Variants in GRK3 observed in about 807,000 individuals in gnomAD.
GRK3 encodes the protein G protein-coupled receptor kinase 3, also known as adrenergic, beta, receptor kinase 2.
In GRK3, 54 loss-of-function variants were observed where a neutral mutation model predicts 95.7. That is an observed-to-expected ratio of 0.56 (90% CI 0.45 to 0.71). The LOEUF (loss-of-function observed/expected upper bound fraction) is 0.71, where lower values mean the gene tolerates loss of function less well. Ranked by LOEUF, GRK3 falls within the 30% of genes least tolerant of loss-of-function variation. The pLI is 0.00. For missense variants in GRK3, 649 were observed against 851.2 expected, an observed-to-expected ratio of 0.76 and a Z score of 2.96; for synonymous variants, 281 against 290.8, an observed-to-expected ratio of 0.97 and a Z score of 0.34.
At chr22:25,685,373 T>C in intron 10 of GRK3, 125 bp downstream of exon 10, 1 of 749,110 alleles carries the variant, frequency 1.3e-6, no homozygotes. Flanking sequence ...CCCCTGAAGT[T>C]TGAGGAAACC....
At position 25,703,640 on chromosome 22, in the gene GRK3, A is replaced by G. The variant is rs2146455138; in HGVS notation, c.1227+64A>G. On this transcript the variant is annotated intron_variant, in intron 14 of 20. Transcript: ENST00000324198. ...ATTGTCATGCTTCATTCCGTCAATA[A>G]TAAAAAAATGCTATTACATAAAATG... 5 of 1,175,312 alleles carry G rather than the reference A, an allele frequency of 4.3e-6. No individual in the cohort carries two copies. The South Asian group carries it at 6.8e-5, about 16-fold the overall frequency. 72.8% of individuals were successfully genotyped at this position (1,175,312 alleles called of 1,614,324 possible).
intron 5 of GRK3, among the ~76,000 whole-genome samples, chr22:25,664,762 G>T (rs1409451711): frequency 6.6e-6 from 1 of 151,984 alleles, no homozygotes; most frequent in Non-Finnish European, 1.5e-5. Context: ...CTTGTGATCC[G>T]CCCGCCTCGG....
intron 8 of GRK3, among the ~76,000 whole-genome samples, chr22:25,677,392 A>G (rs943943560): frequency 1.3e-5 from 2 of 150,582 alleles, no homozygotes; most frequent in African/African-American, 2.4e-5. Context: ...AAAAAAAAAA[A>G]AAAAAAAAAG....
intron 2 of GRK3, among the ~76,000 whole-genome samples, chr22:25,642,528 G>T (rs1181540106): frequency 6.6e-6 from 1 of 152,156 alleles, no homozygotes; most frequent in Non-Finnish European, 1.5e-5. Context: ...GTGCAATTTT[G>T]TTACCTAGAT....
chr22:25,573,838 G>A (rs954166919), intron 1 of GRK3, among the ~76,000 whole-genome samples: 1 of 152,168 alleles, frequency 6.6e-6, no homozygotes, highest in Non-Finnish European at 1.5e-5. Context: ...GGCAGAGGTT[G>A]CAGTGAGCTG....
chr22:25,707,167 G>A (rs1188489038), intron 15 of GRK3, among the ~76,000 whole-genome samples: 1 of 152,078 alleles, frequency 6.6e-6, no homozygotes, highest in Non-Finnish European at 1.5e-5. Flanking sequence ...CCATTTTAGT[G>A]GTTATTGAGA....
chr22:25,608,734 G>GAT (rs1569162388), intron 2 of GRK3, among the ~76,000 whole-genome samples: 4 of 152,102 alleles, frequency 2.6e-5, no homozygotes, highest in Non-Finnish European at 5.9e-5. Flanking sequence ...CCTACTTGGA[G>GAT]CCTGTAGATA....
At chr22:25,671,969 T>G (rs1263295741) in intron 6 of GRK3, among the ~76,000 whole-genome samples, 4 of 152,246 alleles carry the variant, frequency 2.6e-5, no homozygotes, top group Non-Finnish European at 5.9e-5. Flanking sequence ...CATGTTGAAT[T>G]TTTAATATAT....
chr22:25,592,684 C>T (rs1932532538), intron 1 of GRK3, among the ~76,000 whole-genome samples: 1 of 152,142 alleles, frequency 6.6e-6, no homozygotes. Context: ...TTAAGGGGTA[C>T]ATGTGCAGGT....
chr22:25,628,652 C>A (rs749546716), intron 2 of GRK3, among the ~76,000 whole-genome samples: 36 of 152,120 alleles, frequency 2.4e-4, no homozygotes, highest in Non-Finnish European at 4.6e-4. Flanking sequence ...ATATTGTATT[C>A]GAAGGTAATA....
At chr22:25,628,121 A>T (rs1192264294) in intron 2 of GRK3, among the ~76,000 whole-genome samples, 6 of 152,256 alleles carry the variant, frequency 3.9e-5, no homozygotes, top group African/African-American at 1.4e-4. Flanking sequence ...ATTCAAAAAT[A>T]AGAGAAACAC....
At chr22:25,573,809 G>C (rs1319711178) in intron 1 of GRK3, among the ~76,000 whole-genome samples, 1 of 152,144 alleles carries the variant, frequency 6.6e-6, no homozygotes, top group African/African-American at 2.4e-5. Context: ...TGAGGCAGGA[G>C]AATTGTTTGA....
intron 2 of GRK3, among the ~76,000 whole-genome samples, chr22:25,637,325 C>T (rs2084709568): frequency 6.6e-6 from 1 of 152,192 alleles, no homozygotes; most frequent in South Asian, 2.1e-4. Flanking sequence ...TTCTCGGCCT[C>T]CATAATCATG....
intron 2 of GRK3, among the ~76,000 whole-genome samples, chr22:25,631,596 G>A (rs533976164): frequency 1.3e-5 from 2 of 152,092 alleles, no homozygotes; most frequent in South Asian, 4.2e-4. Flanking sequence ...GTTTATTGAG[G>A]TATAATTTAA....
intron 9 of GRK3, among the ~76,000 whole-genome samples, chr22:25,682,087 A>C (rs1319719983): frequency 6.6e-6 from 1 of 152,204 alleles, no homozygotes; most frequent in Non-Finnish European, 1.5e-5. Flanking sequence ...TTTATTTTAC[A>C]TCGAGTCAAA....
chr22:25,718,620 C>T (rs948361066), intron 19 of GRK3, among the ~76,000 whole-genome samples: 13 of 152,180 alleles, frequency 8.5e-5, no homozygotes, highest in Non-Finnish European at 1.5e-4. Context: ...AGCACCACAT[C>T]ATCAGATGGA....
In GRK3 at chr22:25,605,602, A is replaced by G. The variant is rs1295904000; in HGVS notation, c.190+1149A>G. On this transcript the variant is annotated intron_variant, in intron 2 of 20. Coordinates refer to ENST00000324198, the MANE Select transcript of GRK3 (RefSeq NM_005160.4). ...TGAGGTATATTTCACATAGCATACA[A>G]TCCACACATTGAAAGTAAACAGTTG... is the stretch of plus-strand genomic sequence containing the variant. Among the ~76,000 whole-genome samples, 5 of 152,364 alleles carry G rather than the reference A, an allele frequency of 3.3e-5. No homozygotes were observed. The East Asian group carries it at 7.7e-4, about 23-fold the overall frequency.
At chr22:25,569,755 C>A (rs1307549440) in intron 1 of GRK3, among the ~76,000 whole-genome samples, 1 of 152,214 alleles carries the variant, frequency 6.6e-6, no homozygotes, top group African/African-American at 2.4e-5. Context: ...GTTTAACGTC[C>A]ATGATGTAAT....
chr22:25,594,189 G>A (rs192915814), intron 1 of GRK3, among the ~76,000 whole-genome samples: 1 of 152,116 alleles, frequency 6.6e-6, no homozygotes, highest in Non-Finnish European at 1.5e-5. Context: ...AGATTGTTTT[G>A]GGCAGCATGG....
Sources: gnomAD v4.1 joint callset for allele counts (sites outside exome capture counted in the v4.1 genomes callset) on GRCh38, gnomAD v4.1.1 for gene constraint, MANE v1.5 for transcripts, NCBI Gene and HGNC (gene_info 2026-07-23, HGNC 2026-07-21) for gene names.